The following NR3C2 variants were observed in gnomAD, a reference collection of about 807,000 sequenced individuals.
NR3C2 encodes the protein mineralocorticoid receptor.
In NR3C2, 15 loss-of-function variants were observed where a neutral mutation model predicts 86.4. The ratio of observed to expected loss-of-function variants is 0.17; its 90% CI spans 0.12 to 0.27. The LOEUF is 0.27. NR3C2 is among the 10% of genes least tolerant of loss of function. NR3C2 has a pLI of 1.00. For missense variants in NR3C2, 960 were observed against 1,195.6 expected, an observed-to-expected ratio of 0.80 and a Z score of 2.91; for synonymous variants, 458 against 450.5, an observed-to-expected ratio of 1.02 and a Z score of -0.21.
At position 148,118,900 on chromosome 4, in the gene NR3C2, A is replaced by ACC. The variant is rs966905376; in HGVS notation, c.2641+1256_2641+1257dup. 3.3e-5 allele frequency among the ~76,000 whole-genome samples: 5 copies of ACC among 151,734 alleles called. No individual in the cohort carries two copies. In the East Asian group the frequency reaches 9.7e-4, roughly 29 times the overall value. On this transcript the variant is annotated intron_variant, in intron 7 of 8. Transcript: ENST00000358102. ...CTATCATACTACCAGTCATGGTAAT[A>ACC]CCCCCCATTATTTCCACAGGCTCCC... is the stretch of plus-strand genomic sequence containing the variant.
At position 148,436,286 on chromosome 4, in the gene NR3C2, G is replaced by A. The variant is rs201155740; in HGVS notation, c.575C>T (p.Pro192Leu). The change falls in exon 2 of 9, where the codon CCG becomes CTG. Residue 192 changes from proline to leucine, a missense_variant. Pro to Leu is a moderately conservative substitution (Grantham distance 98). This residue lies in a region of NR3C2 where 680 missense variants were observed against 719.0 expected (regional missense o/e 0.95). Coordinates refer to ENST00000358102, the MANE Select transcript of NR3C2 (RefSeq NM_000901.5). ...CATGTTCAGAGGGCTGCAAACAGAC[G>A]GGCTTTTCTCATGACACATGATAGG... is the stretch of plus-strand genomic sequence containing the variant. ...KSPIMCHEKSPSVCSPLNMTS... is the reference protein window; with the variant it reads ...KSPIMCHEKSLSVCSPLNMTS... The A allele has an allele frequency of 3.7e-6, 6 of 1,613,994 alleles. No homozygotes were observed. Among genetic ancestry groups the A allele is most frequent in the Non-Finnish European group, 5.1e-6 (6 of 1,179,992 alleles).
intron 2 of NR3C2, among the ~76,000 whole-genome samples, chr4:148,340,013 A>G (rs1561051629): frequency 6.6e-6 from 1 of 152,194 alleles, no homozygotes; most frequent in Non-Finnish European, 1.5e-5. Context: ...AGATCTCTAT[A>G]AGAAAAACTA....
rs577599078 is a variant in NR3C2, at chr4:148,281,363, T to C, written c.1758-21246A>G. 6.6e-5 allele frequency among the ~76,000 whole-genome samples: 10 copies of C among 152,362 alleles called. 1 individual carries two copies. In the South Asian group the frequency reaches 1.7e-3, roughly 25 times the overall value. On this transcript the variant is annotated intron_variant, in intron 2 of 8. Coordinates refer to ENST00000358102, the MANE Select transcript of NR3C2 (RefSeq NM_000901.5). ...ATAAAAGTTTCAAATTATTCAAACA[T>C]AGTTGAGCGCTATGGTTCTAGGAAC...
At chr4:148,442,738 G>A (rs948562087), upstream of NR3C2, 10 of 985,286 alleles carry the variant, frequency 1.0e-5, no homozygotes, top group African/African-American at 5.2e-5. Context: ...CCGCAGCCGC[G>A]GCGGGAGCTT....
At chr4:148,198,149 C>T (rs1318638272) in intron 3 of NR3C2, among the ~76,000 whole-genome samples, 1 of 151,840 alleles carries the variant, frequency 6.6e-6, no homozygotes, top group Admixed American at 6.6e-5. Flanking sequence ...GCAAAAATGC[C>T]TTATGGACTT....
At chr4:148,135,119 CAATGTTTTCTGCAACAAGGA>C (rs1243518343) in intron 6 of NR3C2, among the ~76,000 whole-genome samples, 2 of 152,116 alleles carry the variant, frequency 1.3e-5, no homozygotes, top group African/African-American at 4.8e-5. Flanking sequence ...CACTTGGCAG[CAATGTTTTCTGCAACAAGGA>C]AAAGGAACAG....
At chr4:148,119,246 A>G (rs1013840664) in intron 7 of NR3C2, among the ~76,000 whole-genome samples, 1 of 152,208 alleles carries the variant, frequency 6.6e-6, no homozygotes, top group Non-Finnish European at 1.5e-5. Flanking sequence ...ATTGGAAGGC[A>G]AAACAACCCC....
chr4:148,272,395 T>C (rs1579091144), intron 2 of NR3C2, among the ~76,000 whole-genome samples: 1 of 152,194 alleles, frequency 6.6e-6, no homozygotes, highest in South Asian at 2.1e-4. Flanking sequence ...TCATGTAGAT[T>C]CAAGAAAGTG....
intron 6 of NR3C2, among the ~76,000 whole-genome samples, chr4:148,122,858 T>C (rs1365056393): frequency 6.6e-6 from 1 of 152,178 alleles, no homozygotes; most frequent in Non-Finnish European, 1.5e-5. Context: ...ACAAATTGAT[T>C]GTAAAACGTG....
At chr4:148,190,898 ATAGT>A (rs1354397081) in intron 4 of NR3C2, among the ~76,000 whole-genome samples, 5 of 152,340 alleles carry the variant, frequency 3.3e-5, no homozygotes, top group South Asian at 4.1e-4. Context: ...AAGGCAGCAG[ATAGT>A]TGGTTGGTGA....
intron 3 of NR3C2, among the ~76,000 whole-genome samples, chr4:148,225,176 G>C (rs1163691123): frequency 1.3e-5 from 2 of 152,012 alleles, no homozygotes; most frequent in Non-Finnish European, 2.9e-5. Context: ...CAGTCTCTCT[G>C]ACTCTCAACC....
At chr4:148,293,461 G>A (rs945930472) in intron 2 of NR3C2, among the ~76,000 whole-genome samples, 3 of 152,158 alleles carry the variant, frequency 2.0e-5, no homozygotes, top group African/African-American at 7.2e-5. Context: ...TCTTATAGAT[G>A]GGGCCTACAA....
intron 6 of NR3C2, among the ~76,000 whole-genome samples, chr4:148,130,813 TGTTTTG>T (rs1268906662): frequency 5.5e-4 from 36 of 64,890 alleles, no homozygotes; most frequent in South Asian, 1.1e-3. Context: ...TGTTTTGTTT[TGTTTTG>T]TTTTTTTTTT....
intron 8 of NR3C2, among the ~76,000 whole-genome samples, chr4:148,084,555 C>A (rs1346235243): frequency 1.3e-5 from 2 of 152,172 alleles, no homozygotes; most frequent in East Asian, 1.9e-4. Flanking sequence ...CCAGCCACTG[C>A]AAAAACATAC....
chr4:148,131,415 C>T (rs1184892251), intron 6 of NR3C2, among the ~76,000 whole-genome samples: 2 of 152,004 alleles, frequency 1.3e-5, no homozygotes, highest in African/African-American at 4.8e-5. Context: ...CTAAAAACAG[C>T]ATGCAGAAAA....
At chr4:148,443,241 AAAAAAAAAAAAAAG>A (rs1165429028), upstream of NR3C2, among the ~76,000 whole-genome samples, 126 of 140,174 alleles carry the variant, frequency 9.0e-4, 1 homozygote, top group African/African-American at 2.5e-3. Context: ...AAAAAAAAAA[AAAAAAAAAAAAAAG>A]AGAGAGAGAG....
chr4:148,407,141 A>G (rs985681109), intron 2 of NR3C2, among the ~76,000 whole-genome samples: 1 of 152,202 alleles, frequency 6.6e-6, no homozygotes, highest in Non-Finnish European at 1.5e-5. Context: ...ATAGAAATTA[A>G]TAACTTTTCC....
intron 3 of NR3C2, among the ~76,000 whole-genome samples, chr4:148,204,341 A>G (rs1736892643): frequency 6.6e-6 from 1 of 152,190 alleles, no homozygotes; most frequent in Non-Finnish European, 1.5e-5. Context: ...GCTGCACTTC[A>G]CTATGCAAAA....
intron 7 of NR3C2, among the ~76,000 whole-genome samples, chr4:148,116,763 A>C (rs1419013210): frequency 6.6e-6 from 1 of 152,234 alleles, no homozygotes; most frequent in Non-Finnish European, 1.5e-5. Flanking sequence ...GGGGGCTAAT[A>C]AATTAATTCA....
Sources: allele counts gnomAD v4.1 joint callset (sites outside exome capture counted in the v4.1 genomes callset), GRCh38; gene constraint gnomAD v4.1.1; regional missense constraint gnomAD v4.1.1; transcripts MANE v1.5; gene names NCBI Gene and HGNC (gene_info 2026-07-23, HGNC 2026-07-21).